PDE11A: variants seen among roughly 807,000 people sequenced by gnomAD.
PDE11A encodes the protein dual 3',5'-cyclic-AMP and -GMP phosphodiesterase 11A.
In PDE11A, 100 loss-of-function variants were observed where a neutral mutation model predicts 100.5. The ratio of observed to expected loss-of-function variants is 1.00; its 90% CI spans 0.85 to 1.18. The LOEUF (loss-of-function observed/expected upper bound fraction) is 1.18. Ranked by LOEUF, PDE11A falls within the 50% of genes most tolerant of loss-of-function variation. The pLI is 0.00. For missense variants in PDE11A, 1,141 were observed against 1,152.6 expected (o/e 0.99, Z 0.15); for synonymous variants, 381 against 420.8 (o/e 0.91, Z 1.16).
chr2:177,727,912 G>T, intron 11 of PDE11A, 114 bp downstream of exon 11: 3 of 1,026,070 alleles, frequency 2.9e-6, no homozygotes, highest in Non-Finnish European at 4.6e-6. Flanking sequence ...ATCCCATGAG[G>T]TGTGCAGGGC....
intron 4 of PDE11A, among the ~76,000 whole-genome samples, chr2:177,897,477 G>A (rs755357911): frequency 2.4e-4 from 36 of 152,138 alleles, no homozygotes; most frequent in Admixed American, 1.7e-3. Context: ...AGAATTCGCA[G>A]GTTAACAGCA....
intron 1 of PDE11A, among the ~76,000 whole-genome samples, chr2:178,065,763 A>T (rs2087034945): frequency 6.6e-6 from 1 of 152,180 alleles, no homozygotes. Flanking sequence ...GCAACTCAAT[A>T]ACATGAGTGT....
intron 5 of PDE11A, among the ~76,000 whole-genome samples, chr2:177,855,951 C>G (rs1265363802): frequency 3.0e-5 from 4 of 134,006 alleles, no homozygotes; most frequent in Non-Finnish European, 4.8e-5. Flanking sequence ...CACACACACA[C>G]TACTGTAAGA....
intron 2 of PDE11A, among the ~76,000 whole-genome samples, chr2:178,083,510 C>A (rs903521064): frequency 1.3e-5 from 2 of 152,146 alleles, no homozygotes; most frequent in African/African-American, 4.8e-5. Context: ...AAAAATGACA[C>A]ACTTGTTTTT....
intron 15 of PDE11A, among the ~76,000 whole-genome samples, chr2:177,695,025 T>C (rs1324843024): frequency 6.6e-6 from 1 of 152,006 alleles, no homozygotes; most frequent in Non-Finnish European, 1.5e-5. Flanking sequence ...GTTTGGCCTC[T>C]GTCTTTCCTA....
intron 9 of PDE11A, among the ~76,000 whole-genome samples, chr2:177,793,887 A>G (rs1464868877): frequency 2.0e-5 from 3 of 152,210 alleles, no homozygotes; most frequent in East Asian, 3.9e-4. Context: ...TTCATTATGA[A>G]TTTGAGGCAG....
chr2:177,789,001 T>G (rs1399705018), intron 9 of PDE11A, among the ~76,000 whole-genome samples: 1 of 152,120 alleles, frequency 6.6e-6, no homozygotes, highest in Non-Finnish European at 1.5e-5. Context: ...ACTATTCCAA[T>G]CAACAGAAAA....
intron 10 of PDE11A, among the ~76,000 whole-genome samples, chr2:177,748,496 G>T (rs2081984128): frequency 6.6e-6 from 1 of 152,290 alleles, no homozygotes; most frequent in African/African-American, 2.4e-5. Flanking sequence ...TAAACACTGA[G>T]ATCGTGCAAT....
chr2:177,886,642 A>G (rs938021856), intron 4 of PDE11A, among the ~76,000 whole-genome samples: 4 of 152,250 alleles, frequency 2.6e-5, no homozygotes, highest in African/African-American at 7.2e-5. Context: ...TTCTAATAAA[A>G]TAGAAATAAA....
chr2:177,702,293 C>T (rs112520265), intron 13 of PDE11A, among the ~76,000 whole-genome samples: 2,553 of 148,394 alleles, frequency 0.017, 67 homozygotes, highest in African/African-American at 0.06. Flanking sequence ...CCAGCCTGGG[C>T]GACAGAGTGA....
chr2:177,681,942 C>A (rs1270585099), intron 15 of PDE11A, among the ~76,000 whole-genome samples: 1 of 152,202 alleles, frequency 6.6e-6, no homozygotes, highest in Non-Finnish European at 1.5e-5. Context: ...AAAGCTGTCT[C>A]TTTTGGAGAA....
chr2:178,090,181 T>TA (rs1553507603), intron 2 of PDE11A, among the ~76,000 whole-genome samples: 2 of 152,188 alleles, frequency 1.3e-5, no homozygotes, highest in Non-Finnish European at 2.9e-5. Context: ...TGGCACAGTA[T>TA]AAAATCCCCA....
intron 10 of PDE11A, 129 bp downstream of exon 10, chr2:177,769,194 C>T: frequency 1.4e-6 from 1 of 727,600 alleles, no homozygotes; most frequent in Non-Finnish European, 2.5e-6. Flanking sequence ...TAAAAATACA[C>T]CTTTGCCCAG....
At chr2:177,708,363 T>C (rs192008970) in intron 13 of PDE11A, among the ~76,000 whole-genome samples, 1 of 152,334 alleles carries the variant, frequency 6.6e-6, no homozygotes, top group East Asian at 1.9e-4. Flanking sequence ...GCTATTATCC[T>C]TAGCAAACTA....
intron 19 of PDE11A, among the ~76,000 whole-genome samples, chr2:177,651,553 G>A (rs1405093222): frequency 6.6e-6 from 1 of 151,956 alleles, no homozygotes; most frequent in African/African-American, 2.4e-5. Flanking sequence ...TGAGTGTAGA[G>A]GGCAGGTTTG....
Position 177,998,095 on chromosome 2 carries a change from G to A in PDE11A, c.1071+16207C>T, listed in dbSNP as rs931975451. ...ACACTCAGGATCTGAGGGATTGAAGGTCTGTTCTAGGTCGGCCTGTTCAGC... is the reference window on the plus strand; with the variant it reads ...ACACTCAGGATCTGAGGGATTGAAGATCTGTTCTAGGTCGGCCTGTTCAGC... On this transcript the variant is annotated intron_variant, in intron 2 of 19. Coordinates refer to ENST00000286063, the MANE Select transcript of PDE11A (RefSeq NM_016953.4). 5 of 1,298,164 alleles carry A rather than the reference G, an allele frequency of 3.9e-6. No individual in the cohort carries two copies. In the African/African-American group the frequency reaches 4.4e-5, roughly 11 times the overall value. 80.4% of individuals were successfully genotyped at this position (1,298,164 alleles called of 1,614,324 possible).
chr2:177,785,368 T>C (rs777428692), intron 9 of PDE11A, among the ~76,000 whole-genome samples: 4 of 142,936 alleles, frequency 2.8e-5, no homozygotes, highest in Non-Finnish European at 6.2e-5. Flanking sequence ...TAGCAAGTTA[T>C]GTTAGAATAG....
chr2:177,952,852 T>C (rs1298148020), intron 2 of PDE11A, among the ~76,000 whole-genome samples: 2 of 152,208 alleles, frequency 1.3e-5, no homozygotes, highest in African/African-American at 4.8e-5. Context: ...CCCTCTCATA[T>C]GTGATTCCCT....
chr2:178,049,451 T>C (rs2086793687), intron 1 of PDE11A, among the ~76,000 whole-genome samples: 1 of 152,202 alleles, frequency 6.6e-6, no homozygotes, highest in Admixed American at 6.5e-5. Flanking sequence ...GATTTCTGCA[T>C]TTCCAACTGA....
Sources: gnomAD v4.1 joint callset for allele counts (sites outside exome capture counted in the v4.1 genomes callset) on GRCh38, gnomAD v4.1.1 for gene constraint, MANE v1.5 for transcripts, NCBI Gene and HGNC (gene_info 2026-07-23, HGNC 2026-07-21) for gene names.